The following BRINP3 variants were observed in gnomAD, a reference collection of about 807,000 sequenced individuals.
BRINP3 encodes BMP/retinoic acid inducible neural specific 3.
In BRINP3, 19 loss-of-function variants were observed where a neutral mutation model predicts 71.0. That is an observed-to-expected ratio of 0.27 (90% CI 0.19 to 0.39). BRINP3 has a LOEUF of 0.39. Among genes scored for constraint, BRINP3 ranks in the 10% least tolerant of loss-of-function variants. The pLI, the probability that BRINP3 is intolerant of heterozygous loss-of-function variation, is 1.00. For missense variants in BRINP3, 959 were observed against 940.8 expected (o/e 1.02, Z -0.25); for synonymous variants, 380 against 337.7 (o/e 1.13, Z -1.37).
At chr1:190,428,201 G>A (rs1673849789) in intron 2 of BRINP3, among the ~76,000 whole-genome samples, 1 of 151,244 alleles carries the variant, frequency 6.6e-6, no homozygotes, top group African/African-American at 2.4e-5. Context: ...TGCTTTTCCT[G>A]AATAAAAAAA....
chr1:190,350,840 T>A (rs915716784), intron 2 of BRINP3, among the ~76,000 whole-genome samples: 3 of 129,660 alleles, frequency 2.3e-5, no homozygotes, highest in African/African-American at 5.7e-5. Flanking sequence ...TTTTTTTTTT[T>A]AGACTGTGTT....
In BRINP3 at chr1:190,281,603, G is replaced by T; in HGVS notation, c.384C>A (p.Ile128=). The T allele has an allele frequency of 6.2e-7, 1 of 1,612,738 alleles. No homozygotes were observed. Among genetic ancestry groups the T allele is most frequent in the Non-Finnish European group, 8.5e-7 (1 of 1,179,178 alleles). The part of the protein sequence containing the change: ...PTLQQITENL[I]KKYGTHFLLS... ...GCAAGAAATGTGTCCCATATTTCTT[G>T]ATAAGGTTTTCTGTGATTTGCTGAA... Residue 128 remains isoleucine, a synonymous_variant, in exon 3 of 8, where the codon ATC becomes ATA. Transcript: ENST00000367462.
chr1:190,309,535 C>T (rs562525615), intron 2 of BRINP3, among the ~76,000 whole-genome samples: 1 of 151,856 alleles, frequency 6.6e-6, no homozygotes, highest in South Asian at 2.1e-4. Context: ...GTGTGATTAA[C>T]TTTCTATAGT....
chr1:190,283,905 C>T (rs1335082575), intron 2 of BRINP3, among the ~76,000 whole-genome samples: 1 of 151,560 alleles, frequency 6.6e-6, no homozygotes, highest in Non-Finnish European at 1.5e-5. Flanking sequence ...CATAACTTGA[C>T]CTTAAAGCTG....
At chr1:190,122,687 A>T (rs1251547711) in intron 7 of BRINP3, among the ~76,000 whole-genome samples, 1 of 152,112 alleles carries the variant, frequency 6.6e-6, no homozygotes, top group African/African-American at 2.4e-5. Flanking sequence ...TATGTAACAA[A>T]CCTGCACGTT....
intron 2 of BRINP3, among the ~76,000 whole-genome samples, chr1:190,375,464 A>T (rs1670124871): frequency 6.6e-6 from 1 of 151,966 alleles, no homozygotes; most frequent in Non-Finnish European, 1.5e-5. Flanking sequence ...GTTTATCCCC[A>T]ATTAATGTAT....
chr1:190,220,890 C>G (rs560180758), intron 6 of BRINP3, among the ~76,000 whole-genome samples: 17 of 152,308 alleles, frequency 1.1e-4, no homozygotes, highest in African/African-American at 3.4e-4. Flanking sequence ...TACTCTGTCA[C>G]TTTAATTTTG....
intron 2 of BRINP3, among the ~76,000 whole-genome samples, chr1:190,448,933 A>G (rs142689523): frequency 0.011 from 1,611 of 152,020 alleles, 88 homozygotes; most frequent in Admixed American, 0.078. Context: ...ATAATATTTT[A>G]AACTTAATTT....
chr1:190,423,603 C>T (rs986466904), intron 2 of BRINP3, among the ~76,000 whole-genome samples: 5 of 151,794 alleles, frequency 3.3e-5, no homozygotes, highest in South Asian at 2.1e-4. Flanking sequence ...TTGACTTATA[C>T]TTTATACATT....
At chr1:190,159,645 A>G (rs932084362) in intron 7 of BRINP3, among the ~76,000 whole-genome samples, 1 of 152,078 alleles carries the variant, frequency 6.6e-6, no homozygotes, top group Non-Finnish European at 1.5e-5. Context: ...AGAGACAAAT[A>G]GTAGATTAGA....
chr1:190,365,703 ATAT>A (rs779624650), intron 2 of BRINP3, among the ~76,000 whole-genome samples: 1 of 146,122 alleles, frequency 6.8e-6, no homozygotes, highest in African/African-American at 2.5e-5. Flanking sequence ...ATATAATATT[ATAT>A]TATAATAGTG....
At chr1:190,248,093 T>C (rs548631916) in intron 4 of BRINP3, among the ~76,000 whole-genome samples, 47 of 152,016 alleles carry the variant, frequency 3.1e-4, no homozygotes, top group African/African-American at 1.0e-3. Flanking sequence ...ATATCCTTCC[T>C]ATCAACTTAT....
intron 2 of BRINP3, among the ~76,000 whole-genome samples, chr1:190,286,503 G>A (rs1283423977): frequency 6.6e-6 from 1 of 152,056 alleles, no homozygotes; most frequent in Admixed American, 6.6e-5. Flanking sequence ...CTTCATATTA[G>A]AAATTTTGGA....
chr1:190,303,560 T>C (rs1162998837), intron 2 of BRINP3, among the ~76,000 whole-genome samples: 1 of 151,810 alleles, frequency 6.6e-6, no homozygotes, highest in Non-Finnish European at 1.5e-5. Context: ...TGTTCCATTT[T>C]TAATAAAATT....
chr1:190,249,168 G>A (rs1659888664), intron 4 of BRINP3, among the ~76,000 whole-genome samples: 4 of 151,722 alleles, frequency 2.6e-5, no homozygotes, highest in Non-Finnish European at 5.9e-5. Flanking sequence ...CCACACAGCT[G>A]TAGCTTAAAT....
intron 2 of BRINP3, among the ~76,000 whole-genome samples, chr1:190,292,499 A>G (rs1027250154): frequency 3.9e-5 from 6 of 152,012 alleles, no homozygotes; most frequent in African/African-American, 9.7e-5. Flanking sequence ...AAAATAAAAA[A>G]TAGCTTACTC....
intron 2 of BRINP3, among the ~76,000 whole-genome samples, chr1:190,359,660 G>T (rs1669002665): frequency 6.6e-6 from 1 of 151,984 alleles, no homozygotes; most frequent in Non-Finnish European, 1.5e-5. Context: ...GTGGGAGCTT[G>T]GCCATACCTC....
At chr1:190,291,045 A>C (rs1663828552) in intron 2 of BRINP3, among the ~76,000 whole-genome samples, 2 of 151,978 alleles carry the variant, frequency 1.3e-5, no homozygotes, top group Admixed American at 1.3e-4. Flanking sequence ...ATGGGGAGGA[A>C]TGTGAGAAAT....
At chr1:190,319,830 T>C (rs917407753) in intron 2 of BRINP3, among the ~76,000 whole-genome samples, 1 of 152,102 alleles carries the variant, frequency 6.6e-6, no homozygotes, top group Admixed American at 6.6e-5. Context: ...GGGATTTGGA[T>C]GGGGACAAAG....
Sources: allele counts gnomAD v4.1 joint callset (sites outside exome capture counted in the v4.1 genomes callset), GRCh38; gene constraint gnomAD v4.1.1; transcripts MANE v1.5; gene names NCBI Gene and HGNC (gene_info 2026-07-23, HGNC 2026-07-21).